Variants in DLEC1 observed in about 807,000 individuals in gnomAD.
DLEC1 encodes DLEC1 cilia and flagella associated protein.
A neutral mutation model predicts 198.1 loss-of-function variants in DLEC1; 146 were observed. The ratio of observed to expected loss-of-function variants is 0.74; its 90% confidence interval spans 0.64 to 0.85. DLEC1 has a LOEUF of 0.85. Ranked by LOEUF, DLEC1 falls within the 40% of genes least tolerant of loss-of-function variation. The pLI, the probability that DLEC1 is intolerant of heterozygous loss-of-function variation, is 0.00. For synonymous variants in DLEC1, 897 were observed against 866.8 expected (o/e 1.03, Z -0.61); for missense variants, 2,233 against 2,220.0 (o/e 1.01, Z -0.12).
chr3:38,060,739 GGCTAGAGT>G (rs1429373671), intron 3 of DLEC1, among the ~76,000 whole-genome samples: 1 of 151,584 alleles, frequency 6.6e-6, no homozygotes, highest in African/African-American at 2.4e-5. Context: ...TTGTTGTCCA[GGCTAGAGT>G]GCAATGGCAC....
chr3:38,065,523 C>T (rs1696981716), intron 6 of DLEC1, among the ~76,000 whole-genome samples: 1 of 152,220 alleles, frequency 6.6e-6, no homozygotes, highest in South Asian at 2.1e-4. Context: ...CTACATTTTG[C>T]CAATCTGGTT....
intron 9 of DLEC1, among the ~76,000 whole-genome samples, chr3:38,087,730 A>G (rs557095735): frequency 3.9e-5 from 6 of 152,350 alleles, no homozygotes; most frequent in Non-Finnish European, 7.3e-5. Context: ...CAAGAAAGAC[A>G]TTTCACTCAT....
intron 1 of DLEC1, among the ~76,000 whole-genome samples, chr3:38,042,160 T>C (rs1476063919): frequency 6.6e-6 from 1 of 151,742 alleles, no homozygotes; most frequent in African/African-American, 2.4e-5. Context: ...GCCTGGCTAA[T>C]TTTTGTATTT....
At chr3:38,063,174 C>A (rs1426100682) in intron 5 of DLEC1, among the ~76,000 whole-genome samples, 1 of 152,140 alleles carries the variant, frequency 6.6e-6, no homozygotes, top group Non-Finnish European at 1.5e-5. Flanking sequence ...TTTAAGAGTG[C>A]CTTTGCCTAT....
chr3:38,039,696 G>T lies in DLEC1; in HGVS notation c.411+60G>T. The T allele has an allele frequency of 3.9e-6, 6 of 1,519,856 alleles. No homozygotes were observed. The South Asian group carries it at 7.8e-5, about 20-fold the overall frequency. 94.1% of individuals were successfully genotyped at this position (1,519,856 alleles called of 1,614,324 possible). On this transcript the variant is annotated intron_variant, in intron 1 of 36. Transcript: ENST00000308059. ...GCCGGGGTCTCAGCGCTCGGCACGCGTCAGCACCTGCCAGGTGCCAGGCGC... is the reference window on the plus strand; with the variant it reads ...GCCGGGGTCTCAGCGCTCGGCACGCTTCAGCACCTGCCAGGTGCCAGGCGC...
chr3:38,093,457 G>C (rs1698844463), intron 11 of DLEC1, 148 bp from the exon 12 acceptor site: 1 of 903,576 alleles, frequency 1.1e-6, no homozygotes. Flanking sequence ...CCTGTGGGCG[G>C]ATATCCCCCT....
At chr3:38,049,354 G>A (rs548941010) in intron 2 of DLEC1, among the ~76,000 whole-genome samples, 7 of 152,226 alleles carry the variant, frequency 4.6e-5, no homozygotes, top group Admixed American at 1.3e-4. Context: ...CAGATAACTG[G>A]CAATGAGGAC....
intron 26 of DLEC1, among the ~76,000 whole-genome samples, chr3:38,114,712 C>G (rs985902634): frequency 1.3e-5 from 2 of 152,186 alleles, no homozygotes; most frequent in African/African-American, 4.8e-5. Flanking sequence ...GAGGTCAGCA[C>G]CAGCCCTGGG....
chr3:38,060,065 T>G (rs1256638469), intron 3 of DLEC1, among the ~76,000 whole-genome samples: 1 of 152,218 alleles, frequency 6.6e-6, no homozygotes, highest in Non-Finnish European at 1.5e-5. Flanking sequence ...AGTCCAGGCT[T>G]CTCCATGTGG....
chr3:38,055,623 G>A (rs921149492), intron 2 of DLEC1, among the ~76,000 whole-genome samples: 3 of 152,128 alleles, frequency 2.0e-5, no homozygotes, highest in Non-Finnish European at 4.4e-5. Flanking sequence ...ACTGAAGAAC[G>A]TACTTCCAGC....
chr3:38,093,482 G>A (rs912070161), intron 11 of DLEC1, 123 bp from the exon 12 acceptor site: 61 of 1,140,764 alleles, frequency 5.3e-5, no homozygotes, highest in Non-Finnish European at 7.5e-5. Context: ...CCTCCAGTGT[G>A]AGCTTGCAGG....
Position 38,117,872 on chromosome 3 carries a change from T to G in DLEC1, c.4552T>G (p.Phe1518Val), listed in dbSNP as rs1340633336. The G allele has an allele frequency of 6.2e-7, 1 of 1,614,170 alleles. No homozygotes were observed. Among genetic ancestry groups the G allele is most frequent in the South Asian group, 1.1e-5 (1 of 91,086 alleles). Residue 1518 changes from phenylalanine to valine, a missense_variant, in exon 33 of 37, where the codon TTC becomes GTC. By Grantham distance (50) the Phe-to-Val change is conservative. Transcript: ENST00000308059. ...LTNTTEIPHYFRLMVSRPFSV... is the reference protein window; with the variant it reads ...LTNTTEIPHYVRLMVSRPFSV... ...CAACACTACAGAGATCCCACACTAC[T>G]TCCGGCTTATGGTCTCCAGGCCCTT... is the stretch of plus-strand genomic sequence containing the variant.
At position 38,096,551 on chromosome 3, in the gene DLEC1, C is replaced by T. The variant is rs200102966; in HGVS notation, c.2172-18C>T. 7.4e-5 allele frequency: 119 copies of T among 1,603,832 alleles called. No homozygotes were observed. Among genetic ancestry groups the T allele is most frequent in the African/African-American group, 2.8e-4 (21 of 74,586 alleles). On this transcript the variant is annotated intron_variant, in intron 14 of 36. Transcript: ENST00000308059. ...TCCAGGTGTGCCGGCTCCTAGCTAA[C>T]GGTGGGTTTGTGTTTAGTTCAGAAG...
rs1699040568 is a variant in DLEC1, at chr3:38,096,697, G to A, written c.2300G>A (p.Gly767Glu). ...GAGCCATATGCCCTCATCATCCCAG[G>A]GGAGAACTACATTGGGATAAATGTG... is the stretch of plus-strand genomic sequence containing the variant. The part of the protein sequence containing the change: ...LLEPYALIIP[G>E]ENYIGINVKK... The change falls in exon 15 of 37, where the codon GGG becomes GAG. Residue 767 changes from glycine (G) to glutamate (E), a missense_variant. Physicochemically the swap from Gly to Glu is moderately conservative, Grantham distance 98. Coordinates refer to ENST00000308059, the MANE Select transcript of DLEC1 (RefSeq NM_007335.4). The A allele has an allele frequency of 5.0e-6, 8 of 1,612,814 alleles. No homozygotes were observed. The highest frequency in any genetic ancestry group is 6.8e-6 in the Non-Finnish European group (8 of 1,179,732).
chr3:38,099,602 GAC>G (rs1479952224), intron 18 of DLEC1, among the ~76,000 whole-genome samples: 1 of 152,176 alleles, frequency 6.6e-6, no homozygotes, highest in Non-Finnish European at 1.5e-5. Context: ...GAGCAACAAA[GAC>G]AAAATAAAGC....
At chr3:38,053,559 G>A (rs1410139957) in intron 2 of DLEC1, among the ~76,000 whole-genome samples, 13 of 99,182 alleles carry the variant, frequency 1.3e-4, no homozygotes, top group South Asian at 6.5e-4. Context: ...CCCGGCAGCT[G>A]CCCCGTCCGG....
chr3:38,042,148 A>G (rs1375272188), intron 1 of DLEC1, among the ~76,000 whole-genome samples: 4 of 151,836 alleles, frequency 2.6e-5, no homozygotes, highest in African/African-American at 9.7e-5. Flanking sequence ...ATGCACCACC[A>G]TGCCTGGCTA....
At chr3:38,072,126 T>A (rs1359080933) in intron 6 of DLEC1, among the ~76,000 whole-genome samples, 1 of 152,024 alleles carries the variant, frequency 6.6e-6, no homozygotes, top group African/African-American at 2.4e-5. Context: ...AGAGATGCAG[T>A]CATGAGGGTC....
chr3:38,055,342 G>A (rs1696301002), intron 2 of DLEC1, among the ~76,000 whole-genome samples: 1 of 152,204 alleles, frequency 6.6e-6, no homozygotes, highest in African/African-American at 2.4e-5. Context: ...AGGACACCAA[G>A]TGCAAAGAGA....
Sources: gnomAD v4.1 joint callset for allele counts (sites outside exome capture counted in the v4.1 genomes callset) on GRCh38, gnomAD v4.1.1 for gene constraint, MANE v1.5 for transcripts, NCBI Gene and HGNC (gene_info 2026-07-23, HGNC 2026-07-21) for gene names.